TBC1D9: variants seen among roughly 807,000 people sequenced by gnomAD.
TBC1D9 encodes the protein TBC1 domain family member 9A.
TBC1D9 carries 63 observed loss-of-function variants against 132.0 expected under a neutral mutation model. The ratio of observed to expected loss-of-function variants is 0.48; its 90% CI spans 0.39 to 0.59. The LOEUF is 0.59. Ranked by LOEUF, TBC1D9 falls within the 20% of genes least tolerant of loss-of-function variation. TBC1D9 has a pLI of 0.00. For synonymous variants in TBC1D9, 610 were observed against 609.9 expected (o/e 1.00, Z 0.00); for missense variants, 1,261 against 1,592.7 (o/e 0.79, Z 3.54).
intron 16 of TBC1D9, among the ~76,000 whole-genome samples, chr4:140,630,195 G>C (rs1186006455): frequency 6.6e-6 from 1 of 152,076 alleles, no homozygotes; most frequent in Non-Finnish European, 1.5e-5. Context: ...TTTTGTAACA[G>C]TGAAACAGCA....
Position 140,634,265 on chromosome 4 carries a change from G to A in TBC1D9, c.2506-77C>T. On this transcript the variant is annotated intron_variant, in intron 15 of 20. Coordinates refer to ENST00000442267, the MANE Select transcript of TBC1D9 (RefSeq NM_015130.3). ...AAAGAAAACGCCCATCCTCCAGTTTGGAAAGGGCTTTAGGTGAATCTGTGT... is the reference window on the plus strand; with the variant it reads ...AAAGAAAACGCCCATCCTCCAGTTTAGAAAGGGCTTTAGGTGAATCTGTGT... 4 of 1,560,392 alleles carry A rather than the reference G, an allele frequency of 2.6e-6. No individual in the cohort carries two copies. The South Asian group carries it at 3.6e-5, about 14-fold the overall frequency.
rs527736616 is a variant in TBC1D9, at chr4:140,621,013, G to A, written c.*1182C>T. On this transcript the variant is annotated 3_prime_UTR_variant, in exon 21 of 21. Transcript: ENST00000442267. ...AATTCAACAATCAGAAGAAAAAATC[G>A]TCCAACATCTGTAAAAAGCAAAATC... The A allele has an allele frequency of 4.6e-5, 7 of 152,646 alleles. No individual in the cohort carries two copies. In the South Asian group the frequency reaches 6.2e-4, roughly 14 times the overall value. 9.5% of individuals were successfully genotyped at this position (152,646 alleles called of 1,614,324 possible).
At chr4:140,715,508 C>A (rs191274845) in intron 1 of TBC1D9, among the ~76,000 whole-genome samples, 2 of 152,340 alleles carry the variant, frequency 1.3e-5, no homozygotes, top group African/African-American at 2.4e-5. Context: ...AAAACCCTAA[C>A]TAACCCCTTT....
rs367546170 is a variant in TBC1D9 at position 140,686,467 on chromosome 4, A to G, written c.242-5T>C. On this transcript the variant is annotated splice_polypyrimidine_tract_variant and splice_region_variant and intron_variant, in intron 2 of 20. Transcript: ENST00000442267. ...TGATTTCTTTCCTGGAACCACCTGT[A>G]CAAATGAAAATAATAATTCATGTCA... 7.2e-6 allele frequency: 11 copies of G among 1,530,124 alleles called. No homozygotes were observed. Among genetic ancestry groups the G allele is most frequent in the African/African-American group, 1.4e-5 (1 of 72,480 alleles). 94.8% of individuals were successfully genotyped at this position (1,530,124 alleles called of 1,614,324 possible).
intron 1 of TBC1D9, among the ~76,000 whole-genome samples, chr4:140,725,875 T>C (rs1350027786): frequency 6.6e-6 from 1 of 152,218 alleles, no homozygotes; most frequent in Non-Finnish European, 1.5e-5. Context: ...AATACAATGG[T>C]GACCTAGAGT....
chr4:140,623,428 G>A (rs1164865842), intron 20 of TBC1D9, among the ~76,000 whole-genome samples: 1 of 152,154 alleles, frequency 6.6e-6, no homozygotes, highest in African/African-American at 2.4e-5. Context: ...GAATGAAAAA[G>A]TAAACATCCA....
At chr4:140,745,511 G>A (rs1434634125) in intron 1 of TBC1D9, among the ~76,000 whole-genome samples, 1 of 152,074 alleles carries the variant, frequency 6.6e-6, no homozygotes, top group Non-Finnish European at 1.5e-5. Flanking sequence ...AGACGATGAG[G>A]ACAAAAACCT....
intron 2 of TBC1D9, among the ~76,000 whole-genome samples, chr4:140,689,804 G>A (rs1290592191): frequency 1.5e-5 from 2 of 133,330 alleles, no homozygotes; most frequent in Admixed American, 1.6e-4. Flanking sequence ...CTACAGTACA[G>A]TGGCATGATC....
At chr4:140,689,183 G>A (rs1197532500) in intron 2 of TBC1D9, among the ~76,000 whole-genome samples, 1 of 152,116 alleles carries the variant, frequency 6.6e-6, no homozygotes, top group Non-Finnish European at 1.5e-5. Context: ...GCCTTGTAGA[G>A]TCTGAGCCTC....
chr4:140,683,167 C>T (rs568747215), intron 3 of TBC1D9, among the ~76,000 whole-genome samples: 21 of 152,196 alleles, frequency 1.4e-4, no homozygotes, highest in East Asian at 9.7e-4. Context: ...TGTGAGCCAC[C>T]GCACCTGGCC....
At chr4:140,642,635 G>A (rs1386348970) in intron 13 of TBC1D9, 2 of 744,404 alleles carry the variant, frequency 2.7e-6, no homozygotes, top group African/African-American at 1.7e-5. Flanking sequence ...GAACTTAGAC[G>A]AAGCCTCGTG....
intron 1 of TBC1D9, among the ~76,000 whole-genome samples, chr4:140,729,255 G>A (rs927018628): frequency 7.2e-5 from 11 of 152,054 alleles, no homozygotes; most frequent in Admixed American, 5.9e-4. Context: ...TTACACAGAC[G>A]TAATGTGTAT....
At chr4:140,739,894 T>C (rs982651987) in intron 1 of TBC1D9, among the ~76,000 whole-genome samples, 8 of 152,148 alleles carry the variant, frequency 5.3e-5, no homozygotes, top group African/African-American at 1.9e-4. Context: ...AGAAACAGAA[T>C]TAGATAAACA....
At chr4:140,631,601 CTTTT>C (rs5862493) in intron 16 of TBC1D9, among the ~76,000 whole-genome samples, 1 of 140,640 alleles carries the variant, frequency 7.1e-6, no homozygotes. Context: ...TTTAGTTTTT[CTTTT>C]TTTTTTTTTG....
intron 1 of TBC1D9, among the ~76,000 whole-genome samples, chr4:140,717,097 G>T (rs1056357166): frequency 6.6e-6 from 1 of 152,194 alleles, no homozygotes; most frequent in Non-Finnish European, 1.5e-5. Flanking sequence ...TTTTATGCCA[G>T]TGTTTCTCAA....
chr4:140,674,691 A>ATT (rs112044868), intron 6 of TBC1D9, among the ~76,000 whole-genome samples: 2,641 of 144,976 alleles, frequency 0.018, 36 homozygotes, highest in Non-Finnish European at 0.024. Context: ...ATATATATAT[A>ATT]TTTTTTTTTA....
chr4:140,709,248 T>TCTCTCTCACACACACA (rs1382500714), intron 1 of TBC1D9, among the ~76,000 whole-genome samples: 2 of 104,148 alleles, frequency 1.9e-5, no homozygotes, highest in African/African-American at 8.8e-5. Flanking sequence ...TCTCTCTCTC[T>TCTCTCTCACACACACA]CACACACACA....
chr4:140,661,281 C>A (rs1237619577), intron 10 of TBC1D9, among the ~76,000 whole-genome samples: 1 of 152,180 alleles, frequency 6.6e-6, no homozygotes, highest in South Asian at 2.1e-4. Context: ...TATACCAGTA[C>A]AAGAGATGAC....
intron 13 of TBC1D9, among the ~76,000 whole-genome samples, chr4:140,656,034 T>C (rs1191545321): frequency 6.6e-6 from 1 of 152,120 alleles, no homozygotes; most frequent in Non-Finnish European, 1.5e-5. Flanking sequence ...TGTCTTGCCA[T>C]GTGCTACTAT....
Sources: gnomAD v4.1 joint callset for allele counts (sites outside exome capture counted in the v4.1 genomes callset) on GRCh38, gnomAD v4.1.1 for gene constraint, MANE v1.5 for transcripts, NCBI Gene and HGNC (gene_info 2026-07-23, HGNC 2026-07-21) for gene names.